Variants in DLG2 observed in about 807,000 individuals in gnomAD.
The protein encoded by DLG2 is disks large homolog 2.
Under a neutral mutation model 132.5 loss-of-function variants are expected in DLG2, and 45 were observed. The observed-to-expected ratio is 0.34, with a 90% CI of 0.27 to 0.44. DLG2 has a LOEUF of 0.44. Ranked by LOEUF, DLG2 falls within the 20% of genes least tolerant of loss-of-function variation. The pLI is 1.00. For synonymous variants in DLG2, 424 were observed against 419.6 expected, an observed-to-expected ratio of 1.01 and a Z score of -0.13; for missense variants, 1,045 against 1,196.9, an observed-to-expected ratio of 0.87 and a Z score of 1.87.
At chr11:83,654,750 T>C (rs1218840722) in intron 18 of DLG2, among the ~76,000 whole-genome samples, 2 of 152,224 alleles carry the variant, frequency 1.3e-5, no homozygotes, top group African/African-American at 2.4e-5. Flanking sequence ...GAAGTAATTT[T>C]ATTTAATGCA....
intron 8 of DLG2, among the ~76,000 whole-genome samples, chr11:84,173,982 A>G (rs2154271674): frequency 8.1e-6 from 1 of 123,682 alleles, no homozygotes; most frequent in East Asian, 2.4e-4. Context: ...TTGCTTTTAT[A>G]ATCTACCTGA....
At chr11:85,588,087 C>G (rs946621054) in intron 3 of DLG2, among the ~76,000 whole-genome samples, 9 of 152,134 alleles carry the variant, frequency 5.9e-5, no homozygotes, top group Non-Finnish European at 1.0e-4. Flanking sequence ...ATAGGTTTTC[C>G]TTTATAGGTT....
Position 84,542,918 on chromosome 11 carries a change from G to GATTTCCTTTAATAAA in DLG2, c.358-8188_358-8187insTTTATTAAAGGAAAT, listed in dbSNP as rs2099380278. Among the ~76,000 whole-genome samples the GATTTCCTTTAATAAA allele has an allele frequency of 6.8e-5, 4 of 59,098 alleles. 1 individual carries two copies. In the South Asian group the frequency reaches 3.3e-3, roughly 48 times the overall value. The allele number at this position is 59,098 out of a possible 152,430, so 38.8% of individuals were successfully genotyped here. A position where few individuals can be genotyped will look rare whatever the true frequency, so the allele number is the denominator to read the frequency against. On this transcript the variant is annotated intron_variant, in intron 6 of 27. Transcript: ENST00000376104. ...AAACACTTTGACATTTACTTTTAGG[G>GATTTCCTTTAATAAA]ATTTCTGCAGTCTGTACCCAGCAAA...
chr11:83,719,138 G>C (rs1177492790), intron 18 of DLG2, among the ~76,000 whole-genome samples: 1 of 152,194 alleles, frequency 6.6e-6, no homozygotes, highest in African/African-American at 2.4e-5. Context: ...AGGCCTAACA[G>C]TGACTCTTAT....
intron 6 of DLG2, among the ~76,000 whole-genome samples, chr11:84,536,290 C>T (rs2099355466): frequency 1.3e-5 from 2 of 152,098 alleles, no homozygotes; most frequent in Non-Finnish European, 2.9e-5. Context: ...AACTGACGGG[C>T]ATAAGCGCCA....
At position 83,906,232 on chromosome 11, in the gene DLG2, G is replaced by C. The variant is rs969988746; in HGVS notation, c.1496+24096C>G. On this transcript the variant is annotated intron_variant, in intron 15 of 27. Transcript: ENST00000376104. The stretch of plus-strand genomic sequence containing the variant: ...TAACTGGAAGATTGCTATAGTAGAT[G>C]TCTCTCTCTCTCTCTCTCTCTCTCT... Among the ~76,000 whole-genome samples, 10 of 71,676 alleles carry C rather than the reference G, an allele frequency of 1.4e-4. No individual in the cohort carries two copies. In the South Asian group the frequency reaches 3.5e-3, roughly 25 times the overall value. 47.0% of individuals were successfully genotyped at this position (71,676 alleles called of 152,430 possible). A position where few individuals can be genotyped will look rare whatever the true frequency, so the allele number is the denominator to read the frequency against.
intron 10 of DLG2, among the ~76,000 whole-genome samples, chr11:84,097,252 G>A (rs1388013424): frequency 6.6e-6 from 1 of 152,070 alleles, no homozygotes. Flanking sequence ...TTTTTATTTG[G>A]CCTCGTTAGC....
chr11:85,410,032 G>A (rs1057202551), intron 3 of DLG2, among the ~76,000 whole-genome samples: 16 of 151,832 alleles, frequency 1.1e-4, no homozygotes, highest in Admixed American at 8.6e-4. Flanking sequence ...AGTACGGAAT[G>A]GCATAGCATA....
intron 8 of DLG2, among the ~76,000 whole-genome samples, chr11:84,238,593 G>A (rs537546621): frequency 2.0e-5 from 3 of 147,002 alleles, no homozygotes; most frequent in South Asian, 2.1e-4. Flanking sequence ...ATTACCCCAA[G>A]CATCACATAA....
intron 18 of DLG2, among the ~76,000 whole-genome samples, chr11:83,687,873 A>T (rs1198473251): frequency 6.6e-6 from 1 of 152,098 alleles, no homozygotes; most frequent in South Asian, 2.1e-4. Context: ...ATGATGGCAT[A>T]CATCTGAAGT....
chr11:85,290,911 T>C (rs1158133002), intron 3 of DLG2, among the ~76,000 whole-genome samples: 1 of 152,054 alleles, frequency 6.6e-6, no homozygotes, highest in Non-Finnish European at 1.5e-5. Context: ...TAGGACTGGA[T>C]TTTCAAGCAC....
chr11:85,627,083 C>T (rs1347911442), intron 1 of DLG2, 135 bp downstream of exon 1: 2 of 152,098 alleles, frequency 1.3e-5, no homozygotes, highest in Non-Finnish European at 1.5e-5. Context: ...TGTAACCCCA[C>T]CTCCCCAAAA....
At chr11:84,091,116 A>G (rs1266510981) in intron 10 of DLG2, among the ~76,000 whole-genome samples, 1 of 152,076 alleles carries the variant, frequency 6.6e-6, no homozygotes, top group East Asian at 1.9e-4. Context: ...GTCTTTGTCT[A>G]CTCTTCTTTA....
chr11:84,121,034 C>A (rs1406778403), intron 9 of DLG2, among the ~76,000 whole-genome samples: 1 of 152,136 alleles, frequency 6.6e-6, no homozygotes, highest in East Asian at 1.9e-4. Flanking sequence ...TTAATTTATT[C>A]ATTCATTTAT....
At chr11:85,115,624 G>A (rs2073455548) in intron 5 of DLG2, among the ~76,000 whole-genome samples, 1 of 151,962 alleles carries the variant, frequency 6.6e-6, no homozygotes, top group Admixed American at 6.6e-5. Flanking sequence ...AAAGGTGGAA[G>A]TATTTAACTC....
chr11:83,930,857 G>A (rs1477148579), intron 14 of DLG2, among the ~76,000 whole-genome samples: 2 of 152,124 alleles, frequency 1.3e-5, no homozygotes, highest in Non-Finnish European at 2.9e-5. Flanking sequence ...GAGCTTCACT[G>A]GTCATCTTAG....
At chr11:85,466,207 T>C (rs192612728) in intron 3 of DLG2, among the ~76,000 whole-genome samples, 3 of 152,362 alleles carry the variant, frequency 2.0e-5, no homozygotes, top group East Asian at 3.9e-4. Flanking sequence ...ATTCTGGATA[T>C]TAGCCCTTTG....
At chr11:84,840,393 T>A (rs559161423) in intron 6 of DLG2, among the ~76,000 whole-genome samples, 1 of 152,160 alleles carries the variant, frequency 6.6e-6, no homozygotes, top group East Asian at 1.9e-4. Context: ...CTGTTGATGG[T>A]AGTGTAAACT....
At chr11:85,493,196 C>A (rs890057707) in intron 3 of DLG2, among the ~76,000 whole-genome samples, 1 of 152,066 alleles carries the variant, frequency 6.6e-6, no homozygotes, top group Non-Finnish European at 1.5e-5. Flanking sequence ...ACATGAGGTG[C>A]AATGTATTAG....
Sources: allele counts gnomAD v4.1 joint callset (sites outside exome capture counted in the v4.1 genomes callset), GRCh38; gene constraint gnomAD v4.1.1; transcripts MANE v1.5; gene names NCBI Gene and HGNC (gene_info 2026-07-23, HGNC 2026-07-21).